Variants in PACRG observed in about 807,000 individuals in gnomAD.
The protein encoded by PACRG is parkin coregulated gene protein.
In PACRG, 29 loss-of-function variants were observed where a neutral mutation model predicts 29.7. The ratio of observed to expected loss-of-function variants is 0.98; its 90% CI spans 0.73 to 1.33. The LOEUF is 1.33. Among genes scored for constraint, PACRG ranks in the 40% most tolerant of loss-of-function variants. The pLI is 0.00. For synonymous variants in PACRG, 116 were observed against 118.7 expected, an observed-to-expected ratio of 0.98 and a Z score of 0.15; for missense variants, 279 against 316.2, an observed-to-expected ratio of 0.88 and a Z score of 0.89.
chr6:162,976,210 G>C (rs1352626835), intron 2 of PACRG, among the ~76,000 whole-genome samples: 1 of 152,214 alleles, frequency 6.6e-6, no homozygotes, highest in Non-Finnish European at 1.5e-5. Flanking sequence ...TGAGTAGCGT[G>C]TTTTAAAACT....
chr6:162,789,096 G>A (rs1183253622), intron 1 of PACRG, among the ~76,000 whole-genome samples: 1 of 152,086 alleles, frequency 6.6e-6, no homozygotes, highest in Non-Finnish European at 1.5e-5. Flanking sequence ...AATATTAAAG[G>A]ATTAATTAAA....
intron 2 of PACRG, among the ~76,000 whole-genome samples, chr6:162,912,621 G>C (rs1796384562): frequency 6.7e-6 from 1 of 149,962 alleles, no homozygotes; most frequent in Non-Finnish European, 1.5e-5. Context: ...ACCCAGGCTG[G>C]AGTGCAGTGG....
Position 162,904,667 on chromosome 6 carries a change from C to T in PACRG, c.291+90386C>T, listed in dbSNP as rs375029974. On this transcript the variant is annotated intron_variant, in intron 2 of 4. Coordinates refer to ENST00000366888, the MANE Select transcript of PACRG (RefSeq NM_001080379.2). ...TCAGAAATCCATTCAGTCATTTTTT[C>T]ACCAGTGTTTTAGTGCCTGCATTTT... is the stretch of plus-strand genomic sequence containing the variant. Among the ~76,000 whole-genome samples, 11 of 152,232 alleles carry T rather than the reference C, an allele frequency of 7.2e-5. No homozygotes were observed. In the South Asian group the frequency reaches 2.3e-3, roughly 32 times the overall value.
At chr6:163,131,770 T>A (rs1477100356) in intron 4 of PACRG, among the ~76,000 whole-genome samples, 3 of 152,208 alleles carry the variant, frequency 2.0e-5, no homozygotes, top group Admixed American at 6.5e-5. Flanking sequence ...TGCTATTAGA[T>A]GTGTAAAATT....
At chr6:163,252,689 G>A (rs1444643937) in intron 4 of PACRG, among the ~76,000 whole-genome samples, 1 of 152,214 alleles carries the variant, frequency 6.6e-6, no homozygotes, top group Non-Finnish European at 1.5e-5. Context: ...CCTCACCAGT[G>A]TTTTCCTCAC....
intron 4 of PACRG, among the ~76,000 whole-genome samples, chr6:163,135,784 G>A (rs761584124): frequency 6.6e-6 from 1 of 152,176 alleles, no homozygotes; most frequent in Non-Finnish European, 1.5e-5. Flanking sequence ...TGCATCGCTC[G>A]ACAAGCCGGC....
chr6:163,294,807 T>C (rs1288695173), intron 4 of PACRG, among the ~76,000 whole-genome samples: 1 of 152,232 alleles, frequency 6.6e-6, no homozygotes, highest in Non-Finnish European at 1.5e-5. Flanking sequence ...AATATGTCCA[T>C]TATAAAGAAA....
At chr6:162,795,539 C>CT (rs1304915639) in intron 1 of PACRG, among the ~76,000 whole-genome samples, 1 of 152,026 alleles carries the variant, frequency 6.6e-6, no homozygotes, top group Non-Finnish European at 1.5e-5. Flanking sequence ...CCTGTACACA[C>CT]TGATTTTTTT....
chr6:163,215,454 T>A (rs1485137493), intron 4 of PACRG, among the ~76,000 whole-genome samples: 3 of 152,240 alleles, frequency 2.0e-5, no homozygotes, highest in Non-Finnish European at 4.4e-5. Context: ...TAGATTCCAT[T>A]CTCCTTGACT....
At chr6:163,269,090 C>T (rs1284368994) in intron 4 of PACRG, among the ~76,000 whole-genome samples, 1 of 152,156 alleles carries the variant, frequency 6.6e-6, no homozygotes, top group African/African-American at 2.4e-5. Flanking sequence ...GTAACTCCTC[C>T]AAGTAAACTT....
At chr6:162,888,690 T>C (rs1034883104) in intron 2 of PACRG, among the ~76,000 whole-genome samples, 1 of 152,320 alleles carries the variant, frequency 6.6e-6, no homozygotes, top group African/African-American at 2.4e-5. Flanking sequence ...GGTCCTCCCC[T>C]GCCTGGGTCT....
At chr6:163,146,682 A>G (rs945358770) in intron 4 of PACRG, among the ~76,000 whole-genome samples, 1 of 152,182 alleles carries the variant, frequency 6.6e-6, no homozygotes, top group Non-Finnish European at 1.5e-5. Flanking sequence ...TTCTGTTTAC[A>G]TGGGGTGTTC....
chr6:163,253,589 T>C (rs1782992345), intron 4 of PACRG, among the ~76,000 whole-genome samples: 2 of 152,148 alleles, frequency 1.3e-5, no homozygotes, highest in Non-Finnish European at 2.9e-5. Flanking sequence ...AATTTAGCCA[T>C]GTTGTATAAG....
intron 2 of PACRG, among the ~76,000 whole-genome samples, chr6:162,952,651 A>G (rs762148459): frequency 2.0e-5 from 3 of 152,172 alleles, no homozygotes; most frequent in Non-Finnish European, 2.9e-5. Context: ...TTGAACTAAC[A>G]ACCACACTAA....
At chr6:163,237,232 T>C (rs1585359294) in intron 4 of PACRG, among the ~76,000 whole-genome samples, 1 of 151,986 alleles carries the variant, frequency 6.6e-6, no homozygotes, top group African/African-American at 2.4e-5. Flanking sequence ...GTGGGTGGGG[T>C]TTTTTTGGCA....
chr6:163,096,337 G>A (rs528222978), intron 4 of PACRG, among the ~76,000 whole-genome samples: 30 of 148,242 alleles, frequency 2.0e-4, no homozygotes, highest in African/African-American at 6.9e-4. Flanking sequence ...GCCCAAACCA[G>A]CTGGGCAGGA....
intron 4 of PACRG, among the ~76,000 whole-genome samples, chr6:163,230,418 G>A (rs532191936): frequency 1.3e-4 from 20 of 152,184 alleles, no homozygotes; most frequent in Admixed American, 5.9e-4. Context: ...CAAAACATCC[G>A]AAAGAGATCC....
chr6:162,997,102 T>C (rs956028295), intron 2 of PACRG, among the ~76,000 whole-genome samples: 71 of 152,188 alleles, frequency 4.7e-4, no homozygotes, highest in Admixed American at 2.0e-3. Flanking sequence ...ATGAACATAG[T>C]GTTTAAAATT....
intron 4 of PACRG, among the ~76,000 whole-genome samples, chr6:163,242,753 G>T (rs761224947): frequency 1.3e-5 from 2 of 152,192 alleles, no homozygotes; most frequent in Non-Finnish European, 2.9e-5. Flanking sequence ...TTACCGAGTT[G>T]TGTCATTTAT....
Sources: allele counts gnomAD v4.1 joint callset (sites outside exome capture counted in the v4.1 genomes callset), GRCh38; gene constraint gnomAD v4.1.1; transcripts MANE v1.5; gene names NCBI Gene and HGNC (gene_info 2026-07-23, HGNC 2026-07-21).